Variants in PIP5K1B observed in about 807,000 individuals in gnomAD.
PIP5K1B encodes the protein phosphatidylinositol-4-phosphate 5-kinase type 1 beta.
A neutral mutation model predicts 67.0 loss-of-function variants in PIP5K1B; 42 were observed. The ratio of observed to expected loss-of-function variants is 0.63; its 90% CI spans 0.49 to 0.81. The LOEUF is 0.81. Ranked by LOEUF, PIP5K1B falls within the 30% of genes least tolerant of loss-of-function variation. PIP5K1B has a pLI of 0.00. For synonymous variants in PIP5K1B, 214 were observed against 231.4 expected, an observed-to-expected ratio of 0.92 and a Z score of 0.68; for missense variants, 459 against 646.3, an observed-to-expected ratio of 0.71 and a Z score of 3.14.
At chr9:68,779,991 A>C (rs531185304) in intron 2 of PIP5K1B, 4 of 809,710 alleles carry the variant, frequency 4.9e-6, no homozygotes, top group East Asian at 3.1e-5. Context: ...CGCATTAAGC[A>C]GGCGCCGCGA....
chr9:69,001,352 C>T (rs559798712), intron 15 of PIP5K1B, among the ~76,000 whole-genome samples: 5 of 152,110 alleles, frequency 3.3e-5, no homozygotes, highest in African/African-American at 7.2e-5. Flanking sequence ...TTCCTCCCCC[C>T]ACATTTTTCA....
chr9:68,847,838 C>T (rs569573306), intron 4 of PIP5K1B, among the ~76,000 whole-genome samples: 4 of 152,274 alleles, frequency 2.6e-5, no homozygotes, highest in Admixed American at 2.0e-4. Context: ...TAGAAGCTGG[C>T]TTGGTATTGC....
chr9:68,828,536 G>A (rs572558740), intron 4 of PIP5K1B, among the ~76,000 whole-genome samples: 11 of 152,322 alleles, frequency 7.2e-5, no homozygotes, highest in Admixed American at 1.3e-4. Flanking sequence ...CCTATCAGTG[G>A]AGGCAGGCAG....
chr9:68,959,000 G>A (rs1828559124), intron 14 of PIP5K1B, among the ~76,000 whole-genome samples: 1 of 151,994 alleles, frequency 6.6e-6, no homozygotes, highest in African/African-American at 2.4e-5. Context: ...TTGACGTGTA[G>A]GAAAGAAAGA....
At chr9:68,927,251 A>T (rs553078572) in intron 12 of PIP5K1B, among the ~76,000 whole-genome samples, 1 of 152,256 alleles carries the variant, frequency 6.6e-6, no homozygotes, top group South Asian at 2.1e-4. Flanking sequence ...AAGGTTTTGT[A>T]TGGGCATGTA....
chr9:68,883,102 A>G (rs1388115930), intron 6 of PIP5K1B, among the ~76,000 whole-genome samples: 1 of 152,220 alleles, frequency 6.6e-6, no homozygotes, highest in African/African-American at 2.4e-5. Flanking sequence ...ACTTCCAGTG[A>G]CTTTCCAGTA....
At chr9:68,824,191 C>CT (rs1564163427) in intron 4 of PIP5K1B, 1 of 518,972 alleles carries the variant, frequency 1.9e-6, no homozygotes, top group Non-Finnish European at 3.8e-6. Context: ...CGTTGCTAGC[C>CT]TGTTATTACT....
At chr9:68,892,453 G>A (rs974791012) in intron 7 of PIP5K1B, among the ~76,000 whole-genome samples, 10 of 152,194 alleles carry the variant, frequency 6.6e-5, no homozygotes, top group Non-Finnish European at 7.3e-5. Context: ...CAAATAAAGT[G>A]TCCAGAAATA....
chr9:68,779,818 C>G (rs1286031057), intron 2 of PIP5K1B, among the ~76,000 whole-genome samples: 2 of 152,250 alleles, frequency 1.3e-5, no homozygotes, highest in African/African-American at 4.8e-5. Context: ...CCATGGGCCT[C>G]TCTTTCAGGG....
chr9:68,713,370 G>C (rs903972376), intron 1 of PIP5K1B, among the ~76,000 whole-genome samples: 3 of 152,216 alleles, frequency 2.0e-5, no homozygotes, highest in African/African-American at 7.2e-5. Flanking sequence ...TTGCACTCCA[G>C]CCTGGGTGAC....
chr9:69,002,021 C>G (rs1479757725), intron 15 of PIP5K1B, among the ~76,000 whole-genome samples: 2 of 152,242 alleles, frequency 1.3e-5, no homozygotes, highest in Non-Finnish European at 2.9e-5. Context: ...AGACGAGTGT[C>G]AGCTGCGTCT....
intron 14 of PIP5K1B, among the ~76,000 whole-genome samples, chr9:68,988,956 G>A (rs535912117): frequency 4.0e-4 from 60 of 151,792 alleles, no homozygotes; most frequent in South Asian, 2.1e-3. Context: ...TTAGCGGGAC[G>A]TGGTGGCGGG....
chr9:69,001,482 G>A (rs1830822545), intron 15 of PIP5K1B, among the ~76,000 whole-genome samples: 1 of 152,050 alleles, frequency 6.6e-6, no homozygotes, highest in African/African-American at 2.4e-5. Flanking sequence ...CCCAAGACTG[G>A]GTAATTAATA....
At chr9:68,970,880 G>A (rs936480036) in intron 14 of PIP5K1B, among the ~76,000 whole-genome samples, 14 of 152,138 alleles carry the variant, frequency 9.2e-5, no homozygotes, top group African/African-American at 3.1e-4. Flanking sequence ...GGCTCCTAAT[G>A]TTTTCCTCTT....
intron 4 of PIP5K1B, among the ~76,000 whole-genome samples, chr9:68,859,617 A>G (rs916244489): frequency 1.2e-4 from 19 of 152,248 alleles, no homozygotes; most frequent in Middle Eastern, 3.4e-3. Flanking sequence ...CAGTTGTGCA[A>G]AGCCGGCAAC....
chr9:68,706,558 A>G (rs1827135477), intron 1 of PIP5K1B, among the ~76,000 whole-genome samples: 1 of 152,160 alleles, frequency 6.6e-6, no homozygotes, highest in African/African-American at 2.4e-5. Context: ...TAATTCTTTC[A>G]TCGAATCTAC....
chr9:68,790,752 C>G (rs767263936), intron 2 of PIP5K1B, among the ~76,000 whole-genome samples: 4 of 152,130 alleles, frequency 2.6e-5, no homozygotes, highest in Non-Finnish European at 5.9e-5. Flanking sequence ...GTAAATGATA[C>G]TGAACTATGC....
At chr9:68,819,917 G>A (rs578233024) in intron 3 of PIP5K1B, among the ~76,000 whole-genome samples, 1 of 152,048 alleles carries the variant, frequency 6.6e-6, no homozygotes, top group Admixed American at 6.6e-5. Flanking sequence ...AAAAGGAAGT[G>A]TTTTAAAAAA....
intron 7 of PIP5K1B, among the ~76,000 whole-genome samples, chr9:68,892,516 A>C (rs1824846597): frequency 6.6e-6 from 1 of 151,938 alleles, no homozygotes; most frequent in African/African-American, 2.4e-5. Flanking sequence ...ATTTAAACTC[A>C]ATTGGAAAAT....
Sources: allele counts gnomAD v4.1 joint callset (sites outside exome capture counted in the v4.1 genomes callset), GRCh38; gene constraint gnomAD v4.1.1; transcripts MANE v1.5; gene names NCBI Gene and HGNC (gene_info 2026-07-23, HGNC 2026-07-21).